Variants in GARNL3 observed in about 807,000 individuals in gnomAD.
GARNL3 encodes the protein GTPase-activating Rap/Ran-GAP domain-like protein 3.
GARNL3 carries 63 observed loss-of-function variants against 125.0 expected under a neutral mutation model. The ratio of observed to expected loss-of-function variants is 0.50; its 90% CI spans 0.41 to 0.62. The LOEUF (loss-of-function observed/expected upper bound fraction) is 0.62, where lower values mean the gene tolerates loss of function less well. Among genes scored for constraint, GARNL3 ranks in the 20% least tolerant of loss-of-function variants. GARNL3 has a pLI of 0.00. For missense variants in GARNL3, 994 were observed against 1,244.0 expected (o/e 0.80, Z 3.02); for synonymous variants, 439 against 457.5 (o/e 0.96, Z 0.52).
chr9:127,309,393 C>T (rs1044598053), intron 2 of GARNL3, among the ~76,000 whole-genome samples: 5 of 152,092 alleles, frequency 3.3e-5, no homozygotes, highest in Non-Finnish European at 7.3e-5. Flanking sequence ...AATGCTTAGC[C>T]TAATACTTGG....
At chr9:127,294,405 G>A (rs2064521448) in intron 2 of GARNL3, among the ~76,000 whole-genome samples, 1 of 152,134 alleles carries the variant, frequency 6.6e-6, no homozygotes, top group Admixed American at 6.5e-5. Flanking sequence ...CTGGGTTCAA[G>A]CAATTCTTCT....
At chr9:127,329,925 T>C (rs1829126979) in intron 7 of GARNL3, among the ~76,000 whole-genome samples, 2 of 152,172 alleles carry the variant, frequency 1.3e-5, no homozygotes, top group Non-Finnish European at 2.9e-5. Flanking sequence ...ATTGACCTAG[T>C]CCTTCTTGCT....
intron 1 of GARNL3, among the ~76,000 whole-genome samples, chr9:127,241,854 ACCT>A (rs1268299717): frequency 6.6e-6 from 1 of 151,836 alleles, no homozygotes; most frequent in Non-Finnish European, 1.5e-5. Flanking sequence ...TGCAACCTCT[ACCT>A]CCTGGGTTCA....
chr9:127,302,313 T>C (rs1309068690), intron 2 of GARNL3, among the ~76,000 whole-genome samples: 1 of 152,132 alleles, frequency 6.6e-6, no homozygotes. Context: ...TTAGCAATAA[T>C]TAAAAATGTG....
intron 7 of GARNL3, among the ~76,000 whole-genome samples, chr9:127,325,417 A>T (rs1204069406): frequency 6.6e-6 from 1 of 152,156 alleles, no homozygotes; most frequent in Non-Finnish European, 1.5e-5. Context: ...CTTTATTAGG[A>T]TGCTCTTAAT....
At position 127,242,932 on chromosome 9, in the gene GARNL3, G is replaced by A; in HGVS notation, c.-28-147G>A. 2 of 533,348 alleles carry A rather than the reference G, an allele frequency of 3.7e-6. No homozygotes were observed. The highest frequency in any genetic ancestry group is 5.9e-6 in the Non-Finnish European group (2 of 340,964). 33.0% of individuals were successfully genotyped at this position (533,348 alleles called of 1,614,324 possible). ...AGTAAGGTCATATGCGGTCTTGGTG[G>A]GGCCCCTGGGTCTTGAGGGTGCTTC... On this transcript the variant is annotated intron_variant, in intron 1 of 10. Coordinates refer to the GARNL3 transcript ENST00000439286. This position sits in a 1 kb window ranked among gnomAD's most constrained non-coding sequence, Gnocchi z 4.6.
chr9:127,387,691 C>T (rs1418040681), intron 25 of GARNL3, among the ~76,000 whole-genome samples: 4 of 145,492 alleles, frequency 2.7e-5, no homozygotes, highest in East Asian at 2.0e-4. Flanking sequence ...TGCAGTGAGC[C>T]GAGAGCACGC....
chr9:127,273,570 G>T (rs191246375), intron 1 of GARNL3, among the ~76,000 whole-genome samples: 2 of 152,268 alleles, frequency 1.3e-5, no homozygotes. Context: ...CACTTGGCCT[G>T]CCTTTGTTGG....
At chr9:127,268,619 G>A (rs1254929421) in intron 1 of GARNL3, among the ~76,000 whole-genome samples, 1 of 152,152 alleles carries the variant, frequency 6.6e-6, no homozygotes, top group Non-Finnish European at 1.5e-5. Context: ...AGTTCAAGGA[G>A]CATTAAATAC....
intron 4 of GARNL3, among the ~76,000 whole-genome samples, chr9:127,317,787 A>T (rs1217622502): frequency 2.0e-5 from 3 of 152,172 alleles, no homozygotes; most frequent in African/African-American, 7.2e-5. Context: ...TCTGGTTCAG[A>T]TGGCTCAAGT....
intron 17 of GARNL3, among the ~76,000 whole-genome samples, chr9:127,352,337 A>C (rs2131654336): frequency 6.6e-6 from 1 of 152,248 alleles, no homozygotes; most frequent in African/African-American, 2.4e-5. Context: ...AACATATGAA[A>C]CCCTAAGCAT....
Position 127,390,685 on chromosome 9 carries a change from G to C in GARNL3, c.2788G>C (p.Ala930Pro), listed in dbSNP as rs1832774215. The change falls in exon 27 of 28, where the codon GCC becomes CCC. Residue 930 changes from alanine to proline, a missense_variant. By Grantham distance (27) the Ala-to-Pro change is conservative (BLOSUM62 -1). This residue lies in a region of GARNL3 where 728 missense variants were observed against 865.7 expected (regional missense o/e 0.84). Transcript: ENST00000373387. ...GGPKSEGAPK[A>P]KSKPRKRLEE... is the part of the protein sequence containing the mutation. The stretch of plus-strand genomic sequence containing the variant: ...ACCCAAGTCAGAAGGAGCGCCAAAG[G>C]CCAAATCAAAACCCCGGAAGCGGTT... 2.5e-6 allele frequency: 4 copies of C among 1,613,914 alleles called. No homozygotes were observed. Among genetic ancestry groups the C allele is most frequent in the South Asian group, 1.1e-5 (1 of 91,076 alleles).
intron 1 of GARNL3, among the ~76,000 whole-genome samples, chr9:127,226,426 G>A (rs2131116807): frequency 6.6e-6 from 1 of 152,294 alleles, no homozygotes; most frequent in South Asian, 2.1e-4. Flanking sequence ...TATAAGCATC[G>A]CGGGGGCAGA....
intron 25 of GARNL3, 21 bp from the exon 26 acceptor site, chr9:127,388,883 C>T (rs1380015762): frequency 7.1e-7 from 1 of 1,407,586 alleles, no homozygotes; most frequent in South Asian, 1.2e-5. Context: ...TTCTGATGTT[C>T]TTTTTGAAAT....
At chr9:127,272,517 CA>C (rs1308000865) in intron 1 of GARNL3, among the ~76,000 whole-genome samples, 2 of 140,666 alleles carry the variant, frequency 1.4e-5, no homozygotes, top group Non-Finnish European at 2.9e-5. Context: ...GGAGGAGTCT[CA>C]CTCTGTTCCC....
intron 1 of GARNL3, among the ~76,000 whole-genome samples, chr9:127,275,865 T>C (rs2063941760): frequency 6.6e-6 from 1 of 152,228 alleles, no homozygotes. Flanking sequence ...AATTGGTCTA[T>C]TGCAGTTATC....
chr9:127,283,480 G>T (rs1222517973), intron 1 of GARNL3, among the ~76,000 whole-genome samples: 1 of 152,102 alleles, frequency 6.6e-6, no homozygotes, highest in African/African-American at 2.4e-5. Context: ...AGACCAGTCT[G>T]GGCAACATAG....
intron 7 of GARNL3, among the ~76,000 whole-genome samples, 177 bp downstream of exon 7, chr9:127,325,272 A>G (rs1297298844): frequency 6.6e-6 from 1 of 152,120 alleles, no homozygotes; most frequent in African/African-American, 2.4e-5. Flanking sequence ...ATATTTTAGA[A>G]TTTTCTATGC....
chr9:127,344,185 T>G, intron 14 of GARNL3, 50 bp from the exon 15 acceptor site: 134 of 1,288,806 alleles, frequency 1.0e-4, no homozygotes, highest in Non-Finnish European at 1.4e-4. Flanking sequence ...AGCCAAAAGA[T>G]GAGACTTAAC....
Sources: gnomAD v4.1 joint callset for allele counts (sites outside exome capture counted in the v4.1 genomes callset) on GRCh38, gnomAD v4.1.1 for gene constraint, gnomAD v4.1.1 regional missense constraint, Gnocchi (gnomAD v3.1) non-coding constraint, MANE v1.5 for transcripts, NCBI Gene and HGNC (gene_info 2026-07-23, HGNC 2026-07-21) for gene names.